DSG4: variants seen among roughly 807,000 people sequenced by gnomAD.
DSG4 encodes the protein desmoglein 4, also known as desmoglein-4.
Under a neutral mutation model 93.1 loss-of-function variants are expected in DSG4, and 87 were observed. The observed-to-expected ratio is 0.93, with a 90% CI of 0.79 to 1.12. The LOEUF is 1.12. DSG4 is among the 50% of genes most tolerant of loss of function. DSG4 has a pLI of 0.00. For synonymous variants in DSG4, 432 were observed against 452.9 expected, an observed-to-expected ratio of 0.95 and a Z score of 0.59; for missense variants, 1,373 against 1,285.7, an observed-to-expected ratio of 1.07 and a Z score of -1.04.
intron 10 of DSG4, 53 bp from the exon 11 acceptor site, chr18:31,403,363 A>G (rs2072389529): frequency 7.0e-7 from 1 of 1,425,086 alleles, no homozygotes; most frequent in East Asian, 2.4e-5. Context: ...TATGAGAAAG[A>G]GTTTTCTCCC....
At position 31,411,331 on chromosome 18, in the gene DSG4, C is replaced by G; in HGVS notation, c.2238C>G (p.Ala746=). ...TGMGTAVGLM[A]AGAAGASGAA... ...TGGGGACAGCCGTTGGCCTCATGGC[C>G]GCAGGGGCCGCAGGAGCCTCAGGGG... The change falls in exon 15 of 16, where the codon GCC becomes GCG. Residue 746 remains alanine, a synonymous_variant. Transcript: ENST00000308128. 1 of 1,611,130 alleles carries G rather than the reference C, an allele frequency of 6.2e-7. No homozygotes were observed. The highest frequency in any genetic ancestry group is 8.5e-7 in the Non-Finnish European group (1 of 1,179,890).
chr18:31,401,039 A>G lies in DSG4; in HGVS notation c.1417+19A>G, dbSNP rs755574222. Reference sequence around the variant, plus strand: ...ATAGATGGTAAGAAAATTTATTTTCAGTATTTTAAGAAAACTAGTACTATT... The same window carrying G: ...ATAGATGGTAAGAAAATTTATTTTCGGTATTTTAAGAAAACTAGTACTATT... On this transcript the variant is annotated intron_variant, in intron 10 of 15. Transcript: ENST00000308128. 1 of 1,569,858 alleles carries G rather than the reference A, an allele frequency of 6.4e-7. No individual in the cohort carries two copies.
chr18:31,405,137 A>C (rs1459347867), intron 11 of DSG4, among the ~76,000 whole-genome samples: 1 of 152,242 alleles, frequency 6.6e-6, no homozygotes, highest in African/African-American at 2.4e-5. Context: ...ATAATAAAAA[A>C]TATTGTGTGC....
intron 5 of DSG4, among the ~76,000 whole-genome samples, chr18:31,390,108 G>A (rs1404157767): frequency 6.6e-6 from 1 of 152,050 alleles, no homozygotes; most frequent in Non-Finnish European, 1.5e-5. Flanking sequence ...TTCTTATATT[G>A]CTATGGACAA....
intron 11 of DSG4, among the ~76,000 whole-genome samples, chr18:31,404,927 G>A (rs552268138): frequency 6.6e-6 from 1 of 152,160 alleles, no homozygotes; most frequent in South Asian, 2.1e-4. Flanking sequence ...GCTATTACAG[G>A]TTTGCCAATA....
intron 2 of DSG4, among the ~76,000 whole-genome samples, chr18:31,386,208 A>G (rs2144168408): frequency 1.3e-5 from 2 of 152,280 alleles, no homozygotes; most frequent in Admixed American, 6.5e-5. Flanking sequence ...GTCCTTATCA[A>G]CAGAAGAGAA....
At chr18:31,379,793 G>C (rs1219892213) in intron 1 of DSG4, among the ~76,000 whole-genome samples, 2 of 152,100 alleles carry the variant, frequency 1.3e-5, no homozygotes, top group African/African-American at 4.8e-5. Context: ...CTGAAACATG[G>C]AACAGAAATT....
chr18:31,409,766 C>A lies in DSG4; in HGVS notation c.2095C>A (p.Pro699Thr). The A allele has an allele frequency of 6.2e-7, 1 of 1,614,126 alleles. No homozygotes were observed. The highest frequency in any genetic ancestry group is 8.5e-7 in the Non-Finnish European group (1 of 1,180,036). Residue 699 changes from proline (P) to threonine (T), a missense_variant, in exon 14 of 16, where the codon CCC becomes ACC. By Grantham distance (38) the Pro-to-Thr change is conservative. Coordinates refer to ENST00000308128, the MANE Select transcript of DSG4 (RefSeq NM_177986.5). Reference sequence around the variant, plus strand: ...TCAGGATGTGTCAAATATATGTGCACCCATGACAGCCTCAAATACCCAGGA... The same window carrying A: ...TCAGGATGTGTCAAATATATGTGCAACCATGACAGCCTCAAATACCCAGGA... The part of the protein sequence containing the change: ...EDRDVSNICA[P>T]MTASNTQDRM...
rs907739340 is a variant in DSG4 at position 31,399,468 on chromosome 18, G to C, written c.1202G>C (p.Ser401Thr). 2.5e-6 allele frequency: 4 copies of C among 1,613,968 alleles called. No individual in the cohort carries two copies. The highest frequency in any genetic ancestry group is 1.7e-5 in the Admixed American group (1 of 59,998). Residue 401 changes from serine (S) to threonine (T), a missense_variant, in exon 9 of 16, where the codon AGT becomes ACT. Ser to Thr is a moderately conservative substitution (Grantham distance 58, BLOSUM62 1). Coordinates refer to ENST00000308128, the MANE Select transcript of DSG4 (RefSeq NM_177986.5). ...AFSVREGIKG[S>T]SLLNYVLGTY... is the part of the protein sequence containing the mutation. ...AGTGTGCGGGAAGGAATAAAAGGAAGTTCCTTATTGAATTATGTGCTTGGC... is the reference window on the plus strand; with the variant it reads ...AGTGTGCGGGAAGGAATAAAAGGAACTTCCTTATTGAATTATGTGCTTGGC...
At chr18:31,382,451 G>T (rs2072146235) in intron 1 of DSG4, 1 of 152,162 alleles carries the variant, frequency 6.6e-6, no homozygotes, top group Non-Finnish European at 1.5e-5. Flanking sequence ...TTTTTAAAAA[G>T]GCTTTTGTAG....
chr18:31,382,629 A>G (rs1201963982), intron 1 of DSG4, among the ~76,000 whole-genome samples: 1 of 152,122 alleles, frequency 6.6e-6, no homozygotes, highest in Non-Finnish European at 1.5e-5. Flanking sequence ...GATGGGGCTT[A>G]TGATTTCATA....
At chr18:31,391,245 A>T in intron 7 of DSG4, 33 bp downstream of exon 7, 1 of 1,612,340 alleles carries the variant, frequency 6.2e-7, no homozygotes, top group Non-Finnish European at 8.5e-7. Flanking sequence ...CTTTTTCCAT[A>T]AGTGTCAATA....
chr18:31,400,045 A>G (rs2144196804), intron 9 of DSG4, among the ~76,000 whole-genome samples: 1 of 152,330 alleles, frequency 6.6e-6, no homozygotes, highest in Admixed American at 6.5e-5. Context: ...TCAGAAGAGG[A>G]GAAATAAAAA....
At chr18:31,393,441 T>G (rs1390193028) in intron 8 of DSG4, among the ~76,000 whole-genome samples, 1 of 152,144 alleles carries the variant, frequency 6.6e-6, no homozygotes, top group Non-Finnish European at 1.5e-5. Flanking sequence ...CTCAGGAATC[T>G]TACAATCATT....
At chr18:31,400,590 A>C (rs1458272200) in intron 9 of DSG4, among the ~76,000 whole-genome samples, 2 of 152,206 alleles carry the variant, frequency 1.3e-5, no homozygotes, top group Non-Finnish European at 1.5e-5. Context: ...GATGTTTTAC[A>C]TTGCTATGAT....
At chr18:31,399,200 T>C (rs937914148) in intron 8 of DSG4, 72 bp from the exon 9 acceptor site, 2 of 1,597,100 alleles carry the variant, frequency 1.3e-6, no homozygotes, top group African/African-American at 1.4e-5. Context: ...TGGTTTGCTT[T>C]ACCATGGCTT....
At chr18:31,385,885 T>G (rs1019650621) in intron 2 of DSG4, among the ~76,000 whole-genome samples, 20 of 152,146 alleles carry the variant, frequency 1.3e-4, no homozygotes, top group African/African-American at 4.6e-4. Context: ...TAATCACCTG[T>G]GTTTCAGGGG....
chr18:31,392,307 A>G lies in DSG4; in HGVS notation c.972A>G (p.Pro324=), dbSNP rs2144181760. ...DGNWFDIQTD[P]QTNEGILKVV... ...ATTGGTTCGATATTCAAACAGATCC[A>G]CAAACCAATGAAGGCATTTTGAAAG... Residue 324 remains proline, a synonymous_variant, in exon 8 of 16, where the codon CCA becomes CCG. Coordinates refer to ENST00000308128, the MANE Select transcript of DSG4 (RefSeq NM_177986.5). 1 of 1,613,770 alleles carries G rather than the reference A, an allele frequency of 6.2e-7. No homozygotes were observed.
At position 31,390,725 on chromosome 18, in the gene DSG4, A is replaced by G. The variant is rs369598361; in HGVS notation, c.587A>G (p.Tyr196Cys). 6.8e-5 allele frequency: 110 copies of G among 1,613,720 alleles called. 1 individual carries two copies. Among genetic ancestry groups the G allele is most frequent in the Admixed American group, 5.0e-5 (3 of 59,988 alleles). Residue 196 changes from tyrosine to cysteine, a missense_variant, in exon 6 of 16, where the codon TAC (tyrosine) becomes TGC (cysteine). Tyr to Cys is a radical substitution (Grantham distance 194). Transcript: ENST00000308128. ...EENHLNSKIAYKIVSQEPSGA... is the reference protein window; with the variant it reads ...EENHLNSKIACKIVSQEPSGA... ...AATCATCTGAATTCTAAAATTGCCT[A>G]CAAGATCGTCTCTCAGGAGCCATCA...
Sources: gnomAD v4.1 joint callset for allele counts (sites outside exome capture counted in the v4.1 genomes callset) on GRCh38, gnomAD v4.1.1 for gene constraint, MANE v1.5 for transcripts, NCBI Gene and HGNC (gene_info 2026-07-23, HGNC 2026-07-21) for gene names.